Variants in HOXB13 observed in about 807,000 individuals in gnomAD.
The protein encoded by HOXB13 is homeobox protein Hox-B13.
HOXB13 carries 22 observed loss-of-function variants against 23.1 expected under a neutral mutation model. The observed-to-expected ratio is 0.95, with a 90% CI of 0.68 to 1.36. The LOEUF (loss-of-function observed/expected upper bound fraction) is 1.36. HOXB13 is among the 40% of genes most tolerant of loss of function. The probability of loss-of-function intolerance (pLI) is 0.00; values close to 1 mark genes in which losing one functional copy is unlikely to be tolerated. For synonymous variants in HOXB13, 173 were observed against 157.9 expected (o/e 1.10, Z -0.72); for missense variants, 386 against 376.2 (o/e 1.03, Z -0.22).
rs1597933634 is a variant in HOXB13 at position 48,727,955 on chromosome 17, A to C, written c.601+38T>G. 1 of 1,588,488 alleles carries C rather than the reference A, an allele frequency of 6.3e-7. No individual in the cohort carries two copies. The highest frequency in any genetic ancestry group is 8.6e-7 in the Non-Finnish European group (1 of 1,167,558). On this transcript the variant is annotated intron_variant, in intron 1 of 1. Coordinates refer to ENST00000290295, the MANE Select transcript of HOXB13 (RefSeq NM_006361.6). ...AAATGCCATTGGGACCCACAACCCC[A>C]GGCTCAGAGACAAGGGGACCCAGGG...
intron 1 of HOXB13, among the ~76,000 whole-genome samples, chr17:48,727,278 T>C (rs2038222145): frequency 6.6e-6 from 1 of 152,106 alleles, no homozygotes; most frequent in East Asian, 1.9e-4. Context: ...ATCACTGCTC[T>C]CACACCCGCG....
chr17:48,726,549 G>C lies in HOXB13; in HGVS notation c.*241C>G. On this transcript the variant is annotated 3_prime_UTR_variant, in exon 2 of 2. Coordinates refer to ENST00000290295, the MANE Select transcript of HOXB13 (RefSeq NM_006361.6). ...TGCCACTGTCAGGATGAATGATTAT[G>C]ACTGGGCCAGGTTCTTTGGGAACCC... 1 of 563,384 alleles carries C rather than the reference G, an allele frequency of 1.8e-6. No homozygotes were observed. The highest frequency in any genetic ancestry group is 2.4e-5 in the South Asian group (1 of 42,156). The allele number at this position is 563,384 out of a possible 1,614,324, so 34.9% of individuals were successfully genotyped here.
chr17:48,728,587 G>A lies in HOXB13; in HGVS notation c.7C>T (p.Pro3Ser), dbSNP rs546307661. The A allele has an allele frequency of 3.7e-6, 6 of 1,611,730 alleles. No individual in the cohort carries two copies. Among genetic ancestry groups the A allele is most frequent in the East Asian group, 2.2e-5 (1 of 44,874 alleles). The change falls in exon 1 of 2, where the codon CCC becomes TCC. Residue 3 changes from proline (P) to serine (S), a missense_variant. By Grantham distance (74) the Pro-to-Ser change is moderately conservative. Transcript: ENST00000290295. ME[P>S]GNYATLDGAK... ...CCATCCAAGGTGGCATAATTGCCGG[G>A]CTCCATGGAGCCGAGGGTCGGCTCA...
chr17:48,726,332 C>T lies in HOXB13; in HGVS notation c.*458G>A, dbSNP rs937894667. ...TGCCCGTTCCCCTCTCCTCAGTCTT[C>T]CTGCTGTTACCAGGGTGAGAGGTGT... On this transcript the variant is annotated 3_prime_UTR_variant, in exon 2 of 2. Coordinates refer to ENST00000290295, the MANE Select transcript of HOXB13 (RefSeq NM_006361.6). The T allele has an allele frequency of 6.2e-6, 1 of 161,294 alleles. No homozygotes were observed. The highest frequency in any genetic ancestry group is 2.4e-5 in the African/African-American group (1 of 41,596). The allele number at this position is 161,294 out of a possible 1,614,324, so 10.0% of individuals were successfully genotyped here.
rs758169931 is a variant in HOXB13 at position 48,728,502 on chromosome 17, G to C, written c.92C>G (p.Ser31Cys). The C allele has an allele frequency of 1.9e-6, 3 of 1,613,508 alleles. No homozygotes were observed. Among genetic ancestry groups the C allele is most frequent in the South Asian group, 2.2e-5 (2 of 91,070 alleles). Residue 31 changes from serine to cysteine, a missense_variant, in exon 1 of 2, where the codon TCC (serine) becomes TGC (cysteine). Physicochemically the swap from Ser to Cys is moderately radical, Grantham distance 112 (BLOSUM62 -1). Transcript: ENST00000290295. ...AGGGRNLVAHSPLTSHPAAPT... is the reference protein window; with the variant it reads ...AGGGRNLVAHCPLTSHPAAPT... ...CGCCGCTGGGTGGCTGGTCAGAGGGGAGTGGGCGACCAGATTCCGCCCCCC... is the reference window on the plus strand; with the variant it reads ...CGCCGCTGGGTGGCTGGTCAGAGGGCAGTGGGCGACCAGATTCCGCCCCCC...
chr17:48,727,874 A>G, intron 1 of HOXB13, 119 bp downstream of exon 1: 1 of 1,240,732 alleles, frequency 8.1e-7, no homozygotes, highest in Non-Finnish European at 1.1e-6. Context: ...TAACCAAGGG[A>G]GGAGCACCAA....
rs2143067102 is a variant in HOXB13 at position 48,726,975 on chromosome 17, T to G, written c.670A>C (p.Ser224Arg). 1 of 1,613,180 alleles carries G rather than the reference T, an allele frequency of 6.2e-7. No individual in the cohort carries two copies. The highest frequency in any genetic ancestry group is 8.5e-7 in the Non-Finnish European group (1 of 1,180,006). ...RRGRKKRIPY[S>R]KGQLRELERE... ...TCCAGCTCCCGCAACTGCCCCTTGCTGTACGGAATGCGTTTCTTGCGGCCG... is the reference window on the plus strand; with the variant it reads ...TCCAGCTCCCGCAACTGCCCCTTGCGGTACGGAATGCGTTTCTTGCGGCCG... Residue 224 changes from serine (S) to arginine (R), a missense_variant, in exon 2 of 2, where the codon AGC (serine) becomes CGC (arginine). Physicochemically the swap from Ser to Arg is moderately radical, Grantham distance 110. Coordinates refer to ENST00000290295, the MANE Select transcript of HOXB13 (RefSeq NM_006361.6).
rs1301798717 is a variant in HOXB13, at chr17:48,725,132, C to T, written c.*1658G>A. On this transcript the variant is annotated 3_prime_UTR_variant, in exon 2 of 2. Transcript: ENST00000290295. ...AACCTGCGATATTGAAAGCTACCCA[C>T]ATGGGGCTTCCTTGAAGGAGGACGT... 4 of 153,620 alleles carry T rather than the reference C, an allele frequency of 2.6e-5. No individual in the cohort carries two copies. Among genetic ancestry groups the T allele is most frequent in the African/African-American group, 4.8e-5 (2 of 41,646 alleles). The allele number at this position is 153,620 out of a possible 1,614,324, so 9.5% of individuals were successfully genotyped here. A position where few individuals can be genotyped will look rare whatever the true frequency, so the allele number is the denominator to read the frequency against.
At chr17:48,727,233 C>T (rs72831846) in intron 1 of HOXB13, among the ~76,000 whole-genome samples, 190 bp from the exon 2 acceptor site, 2 of 152,310 alleles carry the variant, frequency 1.3e-5, no homozygotes, top group Non-Finnish European at 2.9e-5. Context: ...CTCTCACCAC[C>T]GCTCAGCCTT....
chr17:48,728,109 G>C lies in HOXB13; in HGVS notation c.485C>G (p.Ser162Cys), dbSNP rs751081605. 6.2e-7 allele frequency: 1 copy of C among 1,614,224 alleles called. No individual in the cohort carries two copies. Among genetic ancestry groups the C allele is most frequent in the Non-Finnish European group, 8.5e-7 (1 of 1,180,042 alleles). ...CTGGTAACTGTCCACAGGCAACAGG[G>C]AGTCATGTCGCGGTTCTCCAGGAGC... is the stretch of plus-strand genomic sequence containing the variant. ...LGAPGEPRHD[S>C]LLPVDSYQSW... Residue 162 changes from serine to cysteine, a missense_variant, in exon 1 of 2, where the codon TCC (serine) becomes TGC (cysteine). Coordinates refer to ENST00000290295, the MANE Select transcript of HOXB13 (RefSeq NM_006361.6).
At position 48,726,791 on chromosome 17, in the gene HOXB13, TA is replaced by T. The variant is rs77179853; in HGVS notation, c.853del (p.Ter285LysfsTer97). 1.1e-4 allele frequency: 175 copies of T among 1,614,036 alleles called. No homozygotes were observed. In the African/African-American group the frequency reaches 2.1e-3, roughly 20 times the overall value. ...CTCCCACCCAGGCAAGGAGATCTCT[TA>T]AGGGGTAGCGCTGTTCTTCACCTTG... The part of the protein sequence containing the change: ...LAKVKNSATP[*>X] On this transcript the variant is annotated frameshift_variant and stop_lost, in exon 2 of 2. Transcript: ENST00000290295. LOFTEE classifies it high-confidence loss of function.
At position 48,728,261 on chromosome 17, in the gene HOXB13, C is replaced by T. The variant is rs757423683; in HGVS notation, c.333G>A (p.Ala111=). ...ACTCTTCCCCGGCCGTGGGAGTCTC[C>T]GCGGGGTACGCGGCCAGGGTGGCTG... ...AQAATLAAYP[A]ETPTAGEEYP... The change falls in exon 1 of 2, where the codon GCG becomes GCA. Residue 111 remains alanine, a synonymous_variant. Coordinates refer to ENST00000290295, the MANE Select transcript of HOXB13 (RefSeq NM_006361.6). 8 of 1,614,166 alleles carry T rather than the reference C, an allele frequency of 5.0e-6. No individual in the cohort carries two copies. In the East Asian group the frequency reaches 1.1e-4, roughly 22 times the overall value.
At position 48,728,423 on chromosome 17, in the gene HOXB13, C is replaced by T. The variant is rs780859632; in HGVS notation, c.171G>A (p.Ala57=). ...NYAPLDLPGS[A]EPPKQCHPCP... is the part of the protein sequence containing the mutation. ...ATGGGTGGCATTGCTTTGGCGGCTC[C>T]GCCGAGCCTGGCAGATCCAAGGGGG... Residue 57 remains alanine (A), a synonymous_variant, in exon 1 of 2, where the codon GCG becomes GCA. Transcript: ENST00000290295. The T allele has an allele frequency of 6.2e-7, 1 of 1,613,332 alleles. No homozygotes were observed. The highest frequency in any genetic ancestry group is 1.1e-5 in the South Asian group (1 of 91,042).
rs754872559 is a variant in HOXB13 at position 48,728,336 on chromosome 17, C to G, written c.258G>C (p.Gly86=). 3.7e-6 allele frequency: 6 copies of G among 1,613,990 alleles called. No homozygotes were observed. Among genetic ancestry groups the G allele is most frequent in the Non-Finnish European group, 5.1e-6 (6 of 1,180,012 alleles). The part of the protein sequence containing the change: ...APVPYGYFGG[G]YYSCRVSRSS... ...TCCGGGACACTCGGCAGGAGTAGTA[C>G]CCGCCTCCAAAGTAACCATAAGGCA... Residue 86 remains glycine (G), a synonymous_variant, in exon 1 of 2, where the codon GGG becomes GGC. Transcript: ENST00000290295.
In HOXB13 at chr17:48,726,841, C is replaced by A. The variant is rs779692736; in HGVS notation, c.804G>T (p.Arg268=). The A allele has an allele frequency of 3.7e-6, 6 of 1,614,174 alleles. No individual in the cohort carries two copies. Among genetic ancestry groups the A allele is most frequent in the Non-Finnish European group, 5.1e-6 (6 of 1,180,034 alleles). Residue 268 remains arginine, a synonymous_variant, in exon 2 of 2, where the codon CGG becomes CGT. Coordinates refer to ENST00000290295, the MANE Select transcript of HOXB13 (RefSeq NM_006361.6). The part of the protein sequence containing the change: ...RQITIWFQNR[R]VKEKKVLAKV... ...TGGCGAGAACCTTCTTCTCTTTGACCCGGCGGTTCTGAAACCAGATGGTAA... is the reference window on the plus strand; with the variant it reads ...TGGCGAGAACCTTCTTCTCTTTGACACGGCGGTTCTGAAACCAGATGGTAA...
intron 1 of HOXB13, 122 bp downstream of exon 1, chr17:48,727,870 AG>A: frequency 1.6e-6 from 2 of 1,212,542 alleles, no homozygotes; most frequent in South Asian, 2.9e-5. Flanking sequence ...CTAATAACCA[AG>A]GGAGGAGCAC....
Position 48,726,783 on chromosome 17 carries a change from A to T in HOXB13, c.*7T>A, listed in dbSNP as rs1326620859. ...TTTCGCTCCTCCCACCCAGGCAAGGAGATCTCTTAAGGGGTAGCGCTGTTC... is the reference window on the plus strand; with the variant it reads ...TTTCGCTCCTCCCACCCAGGCAAGGTGATCTCTTAAGGGGTAGCGCTGTTC... On this transcript the variant is annotated 3_prime_UTR_variant, in exon 2 of 2. Transcript: ENST00000290295. 6.2e-7 allele frequency: 1 copy of T among 1,612,292 alleles called. No homozygotes were observed. Among genetic ancestry groups the T allele is most frequent in the Non-Finnish European group, 8.5e-7 (1 of 1,178,602 alleles).
chr17:48,727,227 C>T (rs776605755), intron 1 of HOXB13, among the ~76,000 whole-genome samples, 184 bp from the exon 2 acceptor site: 1 of 152,180 alleles, frequency 6.6e-6, no homozygotes, highest in Non-Finnish European at 1.5e-5. Context: ...CTTGTTCTCT[C>T]ACCACCGCTC....
chr17:48,728,024 T>A lies in HOXB13; in HGVS notation c.570A>T (p.Pro190=), dbSNP rs754258114. 1 of 1,614,090 alleles carries A rather than the reference T, an allele frequency of 6.2e-7. No individual in the cohort carries two copies. Among genetic ancestry groups the A allele is most frequent in the Non-Finnish European group, 8.5e-7 (1 of 1,180,012 alleles). Residue 190 remains proline, a synonymous_variant, in exon 1 of 2, where the codon CCA becomes CCT. Coordinates refer to ENST00000290295, the MANE Select transcript of HOXB13 (RefSeq NM_006361.6). ...SQMCCQGEQN[P]PGPFWKAAFA... ...ATGCTGCCTTCCAAAAGGGACCTGGTGGGTTCTGTTCTCCCTGGCAACACA... is the reference window on the plus strand; with the variant it reads ...ATGCTGCCTTCCAAAAGGGACCTGGAGGGTTCTGTTCTCCCTGGCAACACA...
Sources: allele counts gnomAD v4.1 joint callset (sites outside exome capture counted in the v4.1 genomes callset), GRCh38; gene constraint gnomAD v4.1.1; transcripts MANE v1.5; gene names NCBI Gene and HGNC (gene_info 2026-07-23, HGNC 2026-07-21).